The following GLG1 variants were observed in gnomAD, a reference collection of about 807,000 sequenced individuals.
GLG1 encodes Golgi apparatus protein 1.
In GLG1, 38 loss-of-function variants were observed where a neutral mutation model predicts 160.5. The ratio of observed to expected loss-of-function variants is 0.24; its 90% CI spans 0.18 to 0.31. The LOEUF is 0.31. Among genes scored for constraint, GLG1 ranks in the 10% least tolerant of loss-of-function variants. The pLI, the probability that GLG1 is intolerant of heterozygous loss-of-function variation, is 1.00. For missense variants in GLG1, 1,373 were observed against 1,505.2 expected, an observed-to-expected ratio of 0.91 and a Z score of 1.45; for synonymous variants, 644 against 543.4, an observed-to-expected ratio of 1.19 and a Z score of -2.57.
In GLG1 at chr16:74,469,176, T is replaced by C. The variant is rs2015108945; in HGVS notation, c.2319-113A>G. 6 of 719,896 alleles carry C rather than the reference T, an allele frequency of 8.3e-6. 1 individual carries two copies. In the East Asian group the frequency reaches 1.0e-4, roughly 12 times the overall value. 44.6% of individuals were successfully genotyped at this position (719,896 alleles called of 1,614,324 possible). On this transcript the variant is annotated intron_variant, in intron 16 of 25. Transcript: ENST00000422840. ...GAATTCAAGATGCCCTTTGGGGGAATGTCTTTCCTGTAAGGCTCACTGTAT... is the reference window on the plus strand; with the variant it reads ...GAATTCAAGATGCCCTTTGGGGGAACGTCTTTCCTGTAAGGCTCACTGTAT...
At chr16:74,523,143 G>C (rs2017222957) in intron 2 of GLG1, among the ~76,000 whole-genome samples, 1 of 152,192 alleles carries the variant, frequency 6.6e-6, no homozygotes, top group African/African-American at 2.4e-5. Context: ...TACTTTAAAA[G>C]AGGCACACAA....
chr16:74,492,636 T>C (rs1241396318), intron 7 of GLG1, among the ~76,000 whole-genome samples: 3 of 151,448 alleles, frequency 2.0e-5, no homozygotes, highest in Non-Finnish European at 4.4e-5. Context: ...CTGACCAACA[T>C]GGTGAAACCC....
chr16:74,575,628 T>G (rs927760750), intron 1 of GLG1, among the ~76,000 whole-genome samples: 5 of 152,118 alleles, frequency 3.3e-5, no homozygotes, highest in Non-Finnish European at 7.4e-5. Flanking sequence ...AGACAGAGTC[T>G]CCCTCTGTCG....
At position 74,467,998 on chromosome 16, in the gene GLG1, T is replaced by A. The variant is rs1013759410; in HGVS notation, c.2437-150A>T. ...TTGCAGCAAGAGAATCAGGCTTTAC[T>A]TTCAATTCTGTCACCAAATAGCTGC... On this transcript the variant is annotated intron_variant, in intron 17 of 25. Coordinates refer to ENST00000422840, the MANE Select transcript of GLG1 (RefSeq NM_001145667.2). 1.2e-5 allele frequency: 7 copies of A among 578,870 alleles called. No individual in the cohort carries two copies. In the African/African-American group the frequency reaches 1.3e-4, roughly 11 times the overall value. 35.9% of individuals were successfully genotyped at this position (578,870 alleles called of 1,614,324 possible).
chr16:74,478,931 C>T (rs1347071007), intron 11 of GLG1, among the ~76,000 whole-genome samples: 2 of 129,856 alleles, frequency 1.5e-5, no homozygotes, highest in South Asian at 2.5e-4. Flanking sequence ...TTTGGCCAGG[C>T]GCAGTGGCTC....
At chr16:74,588,492 C>G (rs1045386095) in intron 1 of GLG1, among the ~76,000 whole-genome samples, 2 of 151,940 alleles carry the variant, frequency 1.3e-5, no homozygotes, top group African/African-American at 4.8e-5. Context: ...CATTCTGTTG[C>G]CACTGCAGCC....
At chr16:74,529,232 G>A (rs988563013) in intron 2 of GLG1, among the ~76,000 whole-genome samples, 4 of 151,994 alleles carry the variant, frequency 2.6e-5, no homozygotes, top group South Asian at 2.1e-4. Flanking sequence ...ACCTCCCAAG[G>A]TGCTGGGATT....
intron 11 of GLG1, among the ~76,000 whole-genome samples, chr16:74,478,257 C>T (rs991493817): frequency 1.3e-5 from 2 of 152,136 alleles, no homozygotes; most frequent in African/African-American, 2.4e-5. Context: ...AGCATATACA[C>T]TTGACTCAGG....
At chr16:74,481,306 G>C (rs1036974461) in intron 10 of GLG1, among the ~76,000 whole-genome samples, 1 of 152,172 alleles carries the variant, frequency 6.6e-6, no homozygotes, top group Admixed American at 6.5e-5. Context: ...CAGTGGATTA[G>C]ACAATGAGCC....
chr16:74,559,010 G>C (rs1165718083), intron 1 of GLG1, among the ~76,000 whole-genome samples: 2 of 152,068 alleles, frequency 1.3e-5, no homozygotes, highest in Non-Finnish European at 2.9e-5. Flanking sequence ...TCAGCCTCCT[G>C]AGCAGCTGGG....
At chr16:74,546,784 G>C (rs1391660636) in intron 1 of GLG1, among the ~76,000 whole-genome samples, 1 of 126,202 alleles carries the variant, frequency 7.9e-6, no homozygotes, top group African/African-American at 3.1e-5. Context: ...GTTGCAGTGA[G>C]CTGAGATCAT....
chr16:74,526,957 A>T (rs947340641), intron 2 of GLG1, among the ~76,000 whole-genome samples: 6 of 152,168 alleles, frequency 3.9e-5, no homozygotes, highest in Non-Finnish European at 8.8e-5. Flanking sequence ...TCAGGGCATA[A>T]TCTGTGTTTT....
chr16:74,557,709 T>A (rs1399951965), intron 1 of GLG1, among the ~76,000 whole-genome samples: 1 of 151,340 alleles, frequency 6.6e-6, no homozygotes. Context: ...TGCAGCTATC[T>A]GGAAGCAGCC....
Position 74,471,282 on chromosome 16 carries a change from A to C in GLG1, c.2120T>G (p.Val707Gly). The change falls in exon 15 of 26, where the codon GTG (valine) becomes GGG (glycine). Residue 707 changes from valine to glycine, a missense_variant. Val to Gly is a moderately radical substitution (Grantham distance 109). Coordinates refer to ENST00000422840, the MANE Select transcript of GLG1 (RefSeq NM_001145667.2). ...EPIIQNFCHD[V>G]ADNQIDSGDL... ...CCCAGAGTCTATCTGGTTATCTGCCACATCCTGGGGAAGACAGCATGCATT... is the reference window on the plus strand; with the variant it reads ...CCCAGAGTCTATCTGGTTATCTGCCCCATCCTGGGGAAGACAGCATGCATT... 6.5e-7 allele frequency: 1 copy of C among 1,542,974 alleles called. No individual in the cohort carries two copies. Among genetic ancestry groups the C allele is most frequent in the Non-Finnish European group, 9.0e-7 (1 of 1,115,292 alleles).
chr16:74,528,575 G>C (rs1372595719), intron 2 of GLG1, among the ~76,000 whole-genome samples: 1 of 151,928 alleles, frequency 6.6e-6, no homozygotes, highest in African/African-American at 2.4e-5. Flanking sequence ...ACTTTGGCAA[G>C]TCGAGGCGGG....
intron 1 of GLG1, among the ~76,000 whole-genome samples, chr16:74,581,912 A>AAAAAC (rs1200012500): frequency 2.6e-5 from 4 of 152,216 alleles, no homozygotes; most frequent in Non-Finnish European, 5.9e-5. Flanking sequence ...TCCGTCTCAA[A>AAAAAC]AAAACAAAAC....
chr16:74,565,964 A>G (rs928996952), intron 1 of GLG1, among the ~76,000 whole-genome samples: 3 of 152,190 alleles, frequency 2.0e-5, no homozygotes, highest in Admixed American at 2.0e-4. Flanking sequence ...TGTTCTGATG[A>G]TCTTGACTGT....
In GLG1 at chr16:74,452,166, CT is replaced by C. The variant is rs768010465; in HGVS notation, c.*1000del. The C allele has an allele frequency of 6.2e-7, 1 of 1,609,598 alleles. No individual in the cohort carries two copies. Among genetic ancestry groups the C allele is most frequent in the South Asian group, 1.1e-5 (1 of 90,600 alleles). On this transcript the variant is annotated 3_prime_UTR_variant, in exon 26 of 26. Coordinates refer to ENST00000422840, the MANE Select transcript of GLG1 (RefSeq NM_001145667.2). ...AAAGCAAAGTGAGTCAAACCTCTGG[CT>C]CCCACTTCCTGACCCACTGCTCCCC...
intron 20 of GLG1, 31 bp downstream of exon 20, chr16:74,463,325 C>A (rs144608900): frequency 6.2e-7 from 1 of 1,610,408 alleles, no homozygotes; most frequent in Non-Finnish European, 8.5e-7. Context: ...AGATACTCCA[C>A]GGGGCCAGGA....
Sources: gnomAD v4.1 joint callset for allele counts (sites outside exome capture counted in the v4.1 genomes callset) on GRCh38, gnomAD v4.1.1 for gene constraint, MANE v1.5 for transcripts, NCBI Gene and HGNC (gene_info 2026-07-23, HGNC 2026-07-21) for gene names.